The following SND1 variants were observed in gnomAD, a reference collection of about 807,000 sequenced individuals.
SND1 encodes staphylococcal nuclease domain-containing protein 1.
Under a neutral mutation model 121.7 loss-of-function variants are expected in SND1, and 38 were observed. The ratio of observed to expected loss-of-function variants is 0.31; its 90% confidence interval spans 0.24 to 0.41. The LOEUF (loss-of-function observed/expected upper bound fraction) is 0.41, where lower values mean the gene tolerates loss of function less well. Among genes scored for constraint, SND1 ranks in the 10% least tolerant of loss-of-function variants. The probability of loss-of-function intolerance (pLI) is 1.00; values close to 1 mark genes in which losing one functional copy is unlikely to be tolerated. For synonymous variants in SND1, 401 were observed against 447.4 expected (o/e 0.90, Z 1.31); for missense variants, 868 against 1,184.6 (o/e 0.73, Z 3.92).
intron 10 of SND1, among the ~76,000 whole-genome samples, chr7:127,738,269 GTTTCTTTTTTTTT>G (rs1349950230): frequency 2.9e-4 from 41 of 140,450 alleles, no homozygotes; most frequent in Non-Finnish European, 4.6e-4. Flanking sequence ...CCTAAAAGGT[GTTTCTTTTTTTTT>G]TTTCTTTTTT....
chr7:127,902,691 G>A (rs1005669875), intron 13 of SND1, among the ~76,000 whole-genome samples: 11 of 151,714 alleles, frequency 7.3e-5, no homozygotes, highest in African/African-American at 2.7e-4. Flanking sequence ...ATTGTAAAGG[G>A]AAATATTTTT....
At chr7:127,888,857 TG>T (rs1448919883) in intron 13 of SND1, among the ~76,000 whole-genome samples, 1 of 152,146 alleles carries the variant, frequency 6.6e-6, no homozygotes, top group Non-Finnish European at 1.5e-5. Flanking sequence ...GTTTGGTAAT[TG>T]TCAGGTTATT....
intron 1 of SND1, among the ~76,000 whole-genome samples, chr7:127,664,673 C>A (rs1562971187): frequency 6.6e-6 from 1 of 152,160 alleles, no homozygotes; most frequent in Non-Finnish European, 1.5e-5. Context: ...AGAACACACA[C>A]CTGATTTATA....
chr7:128,053,521 A>C (rs1793082615), intron 16 of SND1, among the ~76,000 whole-genome samples: 1 of 152,068 alleles, frequency 6.6e-6, no homozygotes, highest in South Asian at 2.1e-4. Flanking sequence ...TCCCCCCACT[A>C]CCTGGAAAAC....
chr7:127,805,716 G>A (rs1798223909), intron 10 of SND1, among the ~76,000 whole-genome samples: 1 of 152,242 alleles, frequency 6.6e-6, no homozygotes, highest in African/African-American at 2.4e-5. Context: ...TAAGAGTAGC[G>A]GCTATTTAGG....
At chr7:128,061,542 G>A (rs985073656) in intron 16 of SND1, among the ~76,000 whole-genome samples, 1 of 152,188 alleles carries the variant, frequency 6.6e-6, no homozygotes, top group Admixed American at 6.5e-5. Context: ...TGACCTATAC[G>A]TTTCTAGGTC....
At chr7:127,826,555 A>C (rs325447) in intron 11 of SND1, among the ~76,000 whole-genome samples, 101,957 of 152,006 alleles carry the variant, frequency 0.67, 35,087 homozygotes, top group East Asian at 0.92. Context: ...AGCTTGATAG[A>C]TTTTTCCCAT....
intron 12 of SND1, among the ~76,000 whole-genome samples, chr7:127,883,296 A>G (rs1799830545): frequency 6.6e-6 from 1 of 152,038 alleles, no homozygotes; most frequent in Non-Finnish European, 1.5e-5. Flanking sequence ...ACAAGAGAAC[A>G]GGAATCCTAG....
chr7:127,936,633 G>A (rs1261313003), intron 15 of SND1, among the ~76,000 whole-genome samples: 2 of 151,664 alleles, frequency 1.3e-5, no homozygotes, highest in Admixed American at 6.6e-5. Flanking sequence ...CTGTAATCTC[G>A]AACTCCTGGG....
intron 16 of SND1, among the ~76,000 whole-genome samples, chr7:128,007,150 TG>T (rs1193764606): frequency 1.3e-5 from 2 of 152,174 alleles, no homozygotes; most frequent in African/African-American, 2.4e-5. Context: ...GCAGGACAAT[TG>T]TTTTTTTTCC....
At chr7:127,935,105 C>T (rs959582270) in intron 15 of SND1, among the ~76,000 whole-genome samples, 8 of 152,180 alleles carry the variant, frequency 5.3e-5, no homozygotes, top group African/African-American at 1.7e-4. Flanking sequence ...GGTAACCTCT[C>T]GGTACAGTTT....
intron 13 of SND1, among the ~76,000 whole-genome samples, chr7:127,893,774 T>C (rs937592263): frequency 6.6e-6 from 1 of 152,108 alleles, no homozygotes; most frequent in South Asian, 2.1e-4. Flanking sequence ...TCATCCATCT[T>C]TGAGAGGCAA....
At chr7:127,751,896 C>G (rs574226486) in intron 10 of SND1, among the ~76,000 whole-genome samples, 1 of 152,250 alleles carries the variant, frequency 6.6e-6, no homozygotes, top group African/African-American at 2.4e-5. Flanking sequence ...AGGCACGACG[C>G]TTCCCCAGCT....
chr7:127,803,967 A>G (rs1339667684), intron 10 of SND1, among the ~76,000 whole-genome samples: 7 of 152,188 alleles, frequency 4.6e-5, no homozygotes, highest in Non-Finnish European at 7.3e-5. Flanking sequence ...TGGTTTGTGT[A>G]TTATCCACCC....
chr7:128,020,380 T>C (rs1168181260), intron 16 of SND1, among the ~76,000 whole-genome samples: 1 of 152,162 alleles, frequency 6.6e-6, no homozygotes, highest in East Asian at 1.9e-4. Context: ...GAGTTGTAAG[T>C]CATGGTGGCC....
intron 14 of SND1, among the ~76,000 whole-genome samples, chr7:127,922,555 G>C (rs1239666565): frequency 6.6e-6 from 1 of 152,102 alleles, no homozygotes; most frequent in Non-Finnish European, 1.5e-5. Context: ...GTAGATGTCT[G>C]ACTTTCTTAG....
At chr7:127,682,799 C>G (rs774005286) in intron 1 of SND1, among the ~76,000 whole-genome samples, 3 of 152,228 alleles carry the variant, frequency 2.0e-5, no homozygotes, top group Non-Finnish European at 4.4e-5. Context: ...CTTTGTTTCA[C>G]TGAAACATGC....
rs565834155 is a variant in SND1 at position 127,759,184 on chromosome 7, T to A, written c.1152+37784T>A. 2.6e-5 allele frequency among the ~76,000 whole-genome samples: 4 copies of A among 152,254 alleles called. No homozygotes were observed. The East Asian group carries it at 7.7e-4, about 29-fold the overall frequency. On this transcript the variant is annotated intron_variant, in intron 10 of 23. Coordinates refer to ENST00000354725, the MANE Select transcript of SND1 (RefSeq NM_014390.4). ...AAGTCAAATGAATCGATAAGAATCG[T>A]CAGAATGTAGTATGTGACTTAAGAT...
chr7:127,933,052 G>T (rs564342233), intron 15 of SND1, among the ~76,000 whole-genome samples: 4 of 152,250 alleles, frequency 2.6e-5, no homozygotes, highest in African/African-American at 9.6e-5. Flanking sequence ...TATCCCAGAG[G>T]TGAAAAAGAG....
Sources: gnomAD v4.1 joint callset for allele counts (sites outside exome capture counted in the v4.1 genomes callset) on GRCh38, gnomAD v4.1.1 for gene constraint, MANE v1.5 for transcripts, NCBI Gene and HGNC (gene_info 2026-07-23, HGNC 2026-07-21) for gene names.